Variants in STXBP4 observed in about 807,000 individuals in gnomAD.
STXBP4 encodes syntaxin-binding protein 4.
Under a neutral mutation model 76.1 loss-of-function variants are expected in STXBP4, and 55 were observed. The ratio of observed to expected loss-of-function variants is 0.72; its 90% CI spans 0.58 to 0.91. The LOEUF is 0.91. Among genes scored for constraint, STXBP4 ranks in the 40% least tolerant of loss-of-function variants. STXBP4 has a pLI of 0.00. For missense variants in STXBP4, 618 were observed against 636.9 expected (o/e 0.97, Z 0.32); for synonymous variants, 201 against 220.2 (o/e 0.91, Z 0.77).
At chr17:55,189,427 C>A in the STXBP4 span, among the ~76,000 whole-genome samples, 1 of 152,142 alleles carries the variant, frequency 6.6e-6, no homozygotes, top group Non-Finnish European at 1.5e-5. Context: ...AATCCAAATG[C>A]ATTTGCATCA....
At chr17:55,002,084 T>C (rs188177958) in intron 7 of STXBP4, among the ~76,000 whole-genome samples, 1 of 152,334 alleles carries the variant, frequency 6.6e-6, no homozygotes. Flanking sequence ...CTTTATAGCA[T>C]TATTCCTCTT....
At chr17:54,997,843 C>A (rs1376293260) in intron 4 of STXBP4, among the ~76,000 whole-genome samples, 1 of 150,318 alleles carries the variant, frequency 6.7e-6, no homozygotes, top group Admixed American at 6.7e-5. Flanking sequence ...CTGCCTCAGC[C>A]TCTCAAAGTG....
At chr17:55,181,204 T>C in the STXBP4 span, among the ~76,000 whole-genome samples, 8 of 152,368 alleles carry the variant, frequency 5.3e-5, no homozygotes, top group African/African-American at 1.9e-4. Context: ...TTTTCTACCA[T>C]TCTTGAATAT....
At position 54,986,206 on chromosome 17, in the gene STXBP4, A is replaced by G. The variant is rs759693320; in HGVS notation, c.-14A>G. 6.3e-7 allele frequency: 1 copy of G among 1,597,650 alleles called. No homozygotes were observed. The highest frequency in any genetic ancestry group is 2.3e-5 in the East Asian group (1 of 44,338). ...TTATACAGCTGTTAAATCCAAGGCT[A>G]CTTTGGTGAAAGCATGAATAAAAAT... is the stretch of plus-strand genomic sequence containing the variant. On this transcript the variant is annotated 5_prime_UTR_variant, in exon 3 of 18. Transcript: ENST00000376352.
At position 55,173,010 on chromosome 17, in the gene STXBP4, G is replaced by A. The variant is rs1426426598; in HGVS notation, c.*13099G>A. 6.6e-6 allele frequency: 1 copy of A among 152,190 alleles called. No homozygotes were observed. Among genetic ancestry groups the A allele is most frequent in the Non-Finnish European group, 1.5e-5 (1 of 68,032 alleles). 9.4% of individuals were successfully genotyped at this position (152,190 alleles called of 1,614,324 possible). On this transcript the variant is annotated 3_prime_UTR_variant, in exon 18 of 18. Transcript: ENST00000376352. ...CTTCTACTTCTAGAAAGATGTTGAG[G>A]GGCTTCCAGGGCACAAAGGAAAGAG... is the stretch of plus-strand genomic sequence containing the variant.
intron 12 of STXBP4, among the ~76,000 whole-genome samples, chr17:55,051,251 A>T (rs960419934): frequency 6.6e-6 from 1 of 152,138 alleles, no homozygotes; most frequent in African/African-American, 2.4e-5. Context: ...GGGAAAAATA[A>T]ACCTAAAACT....
chr17:55,137,587 C>A (rs1380460819), intron 16 of STXBP4, among the ~76,000 whole-genome samples: 2 of 152,068 alleles, frequency 1.3e-5, no homozygotes, highest in Admixed American at 1.3e-4. Flanking sequence ...TGGGCTCTTT[C>A]CCCTGCTAGC....
the STXBP4 span, among the ~76,000 whole-genome samples, chr17:55,195,850 C>A: frequency 3.3e-5 from 5 of 152,168 alleles, no homozygotes; most frequent in Non-Finnish European, 5.9e-5. Flanking sequence ...TTGGTTGTCA[C>A]AGTGTCAGCG....
intron 16 of STXBP4, among the ~76,000 whole-genome samples, chr17:55,130,632 A>G (rs2628320): frequency 0.64 from 97,000 of 152,014 alleles, 31,818 homozygotes; most frequent in African/African-American, 0.79. Flanking sequence ...TATCCCTCCT[A>G]TGTAACTGAA....
chr17:55,088,785 T>G (rs1474900399), intron 16 of STXBP4, among the ~76,000 whole-genome samples: 1 of 152,138 alleles, frequency 6.6e-6, no homozygotes, highest in Non-Finnish European at 1.5e-5. Context: ...ATTATACACA[T>G]TTTGGATCCA....
chr17:55,081,810 C>A (rs552438426), intron 16 of STXBP4, among the ~76,000 whole-genome samples: 3 of 152,136 alleles, frequency 2.0e-5, no homozygotes, highest in African/African-American at 4.8e-5. Flanking sequence ...TCACTAGATA[C>A]CCCTAGAGTC....
chr17:55,193,849 A>G, the STXBP4 span, among the ~76,000 whole-genome samples: 1 of 148,418 alleles, frequency 6.7e-6, no homozygotes, highest in Non-Finnish European at 1.5e-5. Context: ...ATTAATTCCT[A>G]CAGCAAGGTG....
At chr17:55,118,837 G>A (rs2079811890) in intron 16 of STXBP4, among the ~76,000 whole-genome samples, 1 of 151,470 alleles carries the variant, frequency 6.6e-6, no homozygotes, top group Non-Finnish European at 1.5e-5. Flanking sequence ...TAACTGTCCT[G>A]ATAGTAATTT....
chr17:55,159,776 T>C, intron 17 of STXBP4, 21 bp from the exon 18 acceptor site: 4 of 1,496,260 alleles, frequency 2.7e-6, no homozygotes, highest in Non-Finnish European at 3.7e-6. Context: ...AGATTCTAAT[T>C]GCATTCTTGT....
intron 10 of STXBP4, among the ~76,000 whole-genome samples, chr17:55,038,946 C>T (rs1005790557): frequency 1.3e-5 from 2 of 152,074 alleles, no homozygotes; most frequent in Admixed American, 1.3e-4. Context: ...AGTAATGTTT[C>T]ACTTATACAG....
rs374486256 is a variant in STXBP4, at chr17:55,007,339, CA to C, written c.575-155del. The stretch of plus-strand genomic sequence containing the variant: ...ACAGAGTGAGACTCTGTCCCCCCTC[CA>C]AAAAAAAAAAAGAAAAGAAAAAAAA... On this transcript the variant is annotated intron_variant, in intron 7 of 17. Transcript: ENST00000376352. Among the ~76,000 whole-genome samples the C allele has an allele frequency of 5.9e-3, 707 of 120,536 alleles. 2 individuals are homozygous for C. The highest frequency in any genetic ancestry group is 0.02 in the Middle Eastern group (5 of 244). The allele number at this position is 120,536 out of a possible 152,430, so 79.1% of individuals were successfully genotyped here. A position where few individuals can be genotyped will look rare whatever the true frequency, so the allele number is the denominator to read the frequency against.
chr17:55,184,644 G>A, the STXBP4 span, among the ~76,000 whole-genome samples: 2 of 152,154 alleles, frequency 1.3e-5, no homozygotes, highest in Non-Finnish European at 2.9e-5. Flanking sequence ...GTAATCTCTA[G>A]TCTTCAAGTG....
Position 55,017,699 on chromosome 17 carries a change from G to A in STXBP4, c.666+10102G>A, listed in dbSNP as rs549109851. On this transcript the variant is annotated intron_variant, in intron 8 of 17. Coordinates refer to ENST00000376352, the MANE Select transcript of STXBP4 (RefSeq NM_178509.6). ...CTCAACTGGCTAAAGCCGGGAGTTC[G>A]GGACGACAGCTTTCTTACTCTAGTC... Among the ~76,000 whole-genome samples the A allele has an allele frequency of 9.2e-5, 14 of 152,250 alleles. No individual in the cohort carries two copies. In the South Asian group the frequency reaches 1.9e-3, roughly 20 times the overall value.
At chr17:55,140,934 A>G (rs1040299510) in intron 16 of STXBP4, among the ~76,000 whole-genome samples, 2 of 152,194 alleles carry the variant, frequency 1.3e-5, no homozygotes, top group Non-Finnish European at 2.9e-5. Context: ...GGAGCCAATT[A>G]AAGAAACTTT....
Sources: gnomAD v4.1 joint callset for allele counts (sites outside exome capture counted in the v4.1 genomes callset) on GRCh38, gnomAD v4.1.1 for gene constraint, MANE v1.5 for transcripts, NCBI Gene and HGNC (gene_info 2026-07-23, HGNC 2026-07-21) for gene names.